The following TDRD9 variants were observed in gnomAD, a reference collection of about 807,000 sequenced individuals.
The protein encoded by TDRD9 is ATP-dependent RNA helicase TDRD9.
Under a neutral mutation model 172.6 loss-of-function variants are expected in TDRD9, and 124 were observed. The ratio of observed to expected loss-of-function variants is 0.72; its 90% CI spans 0.62 to 0.83. TDRD9 has a LOEUF of 0.83. Among genes scored for constraint, TDRD9 ranks in the 40% least tolerant of loss-of-function variants. The pLI, the probability that TDRD9 is intolerant of heterozygous loss-of-function variation, is 0.00. For missense variants in TDRD9, 1,479 were observed against 1,714.1 expected, an observed-to-expected ratio of 0.86 and a Z score of 2.42; for synonymous variants, 619 against 617.1, an observed-to-expected ratio of 1.00 and a Z score of -0.05.
At chr14:104,031,621 G>C (rs1019064290) in intron 29 of TDRD9, among the ~76,000 whole-genome samples, 4 of 152,022 alleles carry the variant, frequency 2.6e-5, no homozygotes, top group Admixed American at 2.0e-4. Context: ...GCTTGGAGAG[G>C]AGGGCTGGCC....
intron 1 of TDRD9, among the ~76,000 whole-genome samples, chr14:103,944,200 A>G (rs1421081371): frequency 1.3e-5 from 2 of 152,088 alleles, no homozygotes; most frequent in Non-Finnish European, 2.9e-5. Context: ...GGCCCTCTAC[A>G]GTCTTACGTT....
chr14:103,985,792 A>G (rs1261831690), intron 7 of TDRD9, among the ~76,000 whole-genome samples: 8 of 152,134 alleles, frequency 5.3e-5, no homozygotes, highest in Non-Finnish European at 1.2e-4. Context: ...TACTTTTCAC[A>G]CGTGAAATCT....
At chr14:104,005,218 C>G in intron 14 of TDRD9, 56 bp from the exon 15 acceptor site, 1 of 1,584,186 alleles carries the variant, frequency 6.3e-7, no homozygotes, top group Non-Finnish European at 8.6e-7. Flanking sequence ...TTATGTGAAT[C>G]GGCTAACTGA....
At chr14:103,956,410 C>A (rs2032245928) in intron 2 of TDRD9, among the ~76,000 whole-genome samples, 1 of 151,678 alleles carries the variant, frequency 6.6e-6, no homozygotes, top group Non-Finnish European at 1.5e-5. Context: ...TGCATTCCAG[C>A]CTGGCAACAG....
chr14:103,993,760 T>A lies in TDRD9; in HGVS notation c.1181-572T>A, dbSNP rs577637669. Among the ~76,000 whole-genome samples, 4 of 152,346 alleles carry A rather than the reference T, an allele frequency of 2.6e-5. No homozygotes were observed. In the East Asian group the frequency reaches 7.7e-4, roughly 29 times the overall value. ...CATTCCAGTATAACTTCATCTTAAC[T>A]AATTACATCTGCAATGACTCTATTT... On this transcript the variant is annotated intron_variant, in intron 9 of 35. Coordinates refer to ENST00000409874, the MANE Select transcript of TDRD9 (RefSeq NM_153046.3).
chr14:104,032,795 G>T (rs2035325990), intron 30 of TDRD9, among the ~76,000 whole-genome samples: 1 of 152,142 alleles, frequency 6.6e-6, no homozygotes, highest in African/African-American at 2.4e-5. Context: ...GAGGAAGCCG[G>T]TAACTACAAT....
intron 6 of TDRD9, 117 bp downstream of exon 6, chr14:103,970,738 T>A (rs2032985708): frequency 6.6e-6 from 5 of 760,544 alleles, no homozygotes; most frequent in Non-Finnish European, 1.1e-5. Flanking sequence ...GGACAGATAC[T>A]AAAATCTGAG....
intron 1 of TDRD9, chr14:103,940,700 A>C (rs564103055): frequency 2.8e-6 from 2 of 710,480 alleles, no homozygotes; most frequent in Non-Finnish European, 2.3e-6. Flanking sequence ...CATCCACAGG[A>C]TACTGACCTT....
intron 1 of TDRD9, among the ~76,000 whole-genome samples, chr14:103,948,185 T>A (rs962894982): frequency 1.3e-5 from 2 of 152,034 alleles, no homozygotes; most frequent in Non-Finnish European, 2.9e-5. Flanking sequence ...GCTATTTTTT[T>A]TTTTTATTTT....
chr14:104,022,928 C>T (rs558347416), intron 24 of TDRD9, among the ~76,000 whole-genome samples: 2 of 151,574 alleles, frequency 1.3e-5, no homozygotes, highest in South Asian at 4.2e-4. Context: ...GCCTGTAATC[C>T]TTGCATTTTG....
In TDRD9 at chr14:104,004,330, A is replaced by G. The variant is rs1226391075; in HGVS notation, c.1576A>G (p.Met526Val). 6.4e-7 allele frequency: 1 copy of G among 1,556,784 alleles called. No homozygotes were observed. The highest frequency in any genetic ancestry group is 1.2e-5 in the South Asian group (1 of 86,956). Residue 526 changes from methionine to valine, a missense_variant, in exon 14 of 36, where the codon ATG becomes GTG. Coordinates refer to ENST00000409874, the MANE Select transcript of TDRD9 (RefSeq NM_153046.3). ...CATCCCTGATCATGTTGTTCCTGAG[A>G]TGTTGGTAATTCACTTTGGTCATTG... is the stretch of plus-strand genomic sequence containing the variant. ...NSIPDHVVPE[M>V]LRCPLGSTIL...
chr14:104,028,064 A>T (rs2035177019), intron 28 of TDRD9, among the ~76,000 whole-genome samples: 1 of 152,178 alleles, frequency 6.6e-6, no homozygotes, highest in African/African-American at 2.4e-5. Flanking sequence ...TTTATTCTGT[A>T]TATACTGCAT....
Position 103,955,095 on chromosome 14 carries a change from T to C in TDRD9, c.216-569T>C, listed in dbSNP as rs576327171. Reference sequence around the variant, plus strand: ...CATGAGCCCACACCCGGCTCATTTCTATATTTTTTATAGAGATGGGGTTTC... The same window carrying C: ...CATGAGCCCACACCCGGCTCATTTCCATATTTTTTATAGAGATGGGGTTTC... On this transcript the variant is annotated intron_variant, in intron 1 of 35. Transcript: ENST00000409874. 3.3e-5 allele frequency among the ~76,000 whole-genome samples: 5 copies of C among 152,166 alleles called. No homozygotes were observed. In the East Asian group the frequency reaches 9.7e-4, roughly 29 times the overall value.
chr14:103,973,667 T>C (rs1050979656), intron 6 of TDRD9, among the ~76,000 whole-genome samples: 1 of 152,216 alleles, frequency 6.6e-6, no homozygotes, highest in African/African-American at 2.4e-5. Context: ...TGTCCTGCAG[T>C]TCACTGGCCT....
At chr14:104,045,422 C>G (rs1281423234) in intron 34 of TDRD9, among the ~76,000 whole-genome samples, 1 of 120,632 alleles carries the variant, frequency 8.3e-6, no homozygotes, top group East Asian at 2.4e-4. Context: ...AATGTCTGTT[C>G]AGATCTTTTG....
At position 103,991,560 on chromosome 14, in the gene TDRD9, A is replaced by C. The variant is rs1009834083; in HGVS notation, c.1180+336A>C. On this transcript the variant is annotated intron_variant, in intron 9 of 35. Transcript: ENST00000409874. The stretch of plus-strand genomic sequence containing the variant: ...CCCGAGTAGCTGGGACTACAGGTGC[A>C]CGCCACCACGCCCGGCTTATTTTTG... 5.3e-5 allele frequency among the ~76,000 whole-genome samples: 8 copies of C among 150,834 alleles called. No homozygotes were observed. In the South Asian group the frequency reaches 1.3e-3, roughly 24 times the overall value.
chr14:103,958,979 A>G (rs2032375445), intron 2 of TDRD9, among the ~76,000 whole-genome samples: 1 of 152,192 alleles, frequency 6.6e-6, no homozygotes, highest in South Asian at 2.1e-4. Flanking sequence ...GAAAGTTTCC[A>G]TGCTTTTCTT....
rs1437736733 is a variant in TDRD9 at position 104,040,091 on chromosome 14, G to T, written c.3717-105G>T. 4 of 1,086,942 alleles carry T rather than the reference G, an allele frequency of 3.7e-6. No individual in the cohort carries two copies. The African/African-American group carries it at 6.4e-5, about 18-fold the overall frequency. The allele number at this position is 1,086,942 out of a possible 1,614,324, so 67.3% of individuals were successfully genotyped here. Reference sequence around the variant, plus strand: ...ACAAGTGAAATTAATTGCTGTACTAGGGCTGGCAGAATTTAGGATAATTTT... The same window carrying T: ...ACAAGTGAAATTAATTGCTGTACTATGGCTGGCAGAATTTAGGATAATTTT... On this transcript the variant is annotated intron_variant, in intron 32 of 35. Coordinates refer to ENST00000409874, the MANE Select transcript of TDRD9 (RefSeq NM_153046.3).
At chr14:103,951,990 G>A (rs919771521) in intron 1 of TDRD9, among the ~76,000 whole-genome samples, 2 of 150,104 alleles carry the variant, frequency 1.3e-5, no homozygotes, top group Non-Finnish European at 3.0e-5. Flanking sequence ...GGGTGGTCTC[G>A]ATCTCCTGAC....
Sources: allele counts gnomAD v4.1 joint callset (sites outside exome capture counted in the v4.1 genomes callset), GRCh38; gene constraint gnomAD v4.1.1; transcripts MANE v1.5; gene names NCBI Gene and HGNC (gene_info 2026-07-23, HGNC 2026-07-21).